Variants in KL observed in about 807,000 individuals in gnomAD.
KL encodes the protein klotho.
KL carries 62 observed loss-of-function variants against 84.2 expected under a neutral mutation model. The ratio of observed to expected loss-of-function variants is 0.74; its 90% CI spans 0.60 to 0.91. The LOEUF (loss-of-function observed/expected upper bound fraction) is 0.91. Ranked by LOEUF, KL falls within the 40% of genes least tolerant of loss-of-function variation. KL has a pLI of 0.00. For missense variants in KL, 1,261 were observed against 1,305.7 expected, an observed-to-expected ratio of 0.97 and a Z score of 0.53; for synonymous variants, 528 against 528.0, an observed-to-expected ratio of 1.00 and a Z score of 0.00.
intron 1 of KL, among the ~76,000 whole-genome samples, chr13:33,052,286 T>A (rs529314241): frequency 6.6e-6 from 1 of 152,272 alleles, no homozygotes; most frequent in Admixed American, 6.5e-5. Flanking sequence ...ACTGTTAACA[T>A]CATGAGGTTT....
rs777126851 is a variant in KL, at chr13:33,063,926, C to T, written c.2779C>T (p.Leu927Phe). 9.3e-6 allele frequency: 15 copies of T among 1,614,024 alleles called. No homozygotes were observed. The highest frequency in any genetic ancestry group is 1.3e-5 in the African/African-American group (1 of 74,898). The change falls in exon 5 of 5, where the codon CTC becomes TTC. Residue 927 changes from leucine (L) to phenylalanine (F), a missense_variant. Physicochemically the swap from Leu to Phe is conservative, Grantham distance 22. Coordinates refer to ENST00000380099, the MANE Select transcript of KL (RefSeq NM_004795.4). ...FNDRTAPRFGLYRYAADQFEP... is the reference protein window; with the variant it reads ...FNDRTAPRFGFYRYAADQFEP... ...CGACCGCACAGCTCCGAGGTTTGGC[C>T]TCTATCGTTATGCTGCAGATCAGTT... is the stretch of plus-strand genomic sequence containing the variant.
At chr13:33,026,378 G>T (rs1224614830) in intron 1 of KL, among the ~76,000 whole-genome samples, 1 of 152,040 alleles carries the variant, frequency 6.6e-6, no homozygotes, top group East Asian at 1.9e-4. Flanking sequence ...AGGAAACAAT[G>T]AAGTAATTCC....
At chr13:33,044,960 TTTTG>T (rs1052562627) in intron 1 of KL, among the ~76,000 whole-genome samples, 8 of 152,204 alleles carry the variant, frequency 5.3e-5, no homozygotes, top group Non-Finnish European at 1.0e-4. Context: ...AAGTTTGTTT[TTTTG>T]TTTGTTTGTT....
chr13:33,040,889 C>T (rs1160474739), intron 1 of KL, among the ~76,000 whole-genome samples: 1 of 152,154 alleles, frequency 6.6e-6, no homozygotes, highest in African/African-American at 2.4e-5. Flanking sequence ...TTCCTCTTCC[C>T]CTCCTCACAT....
chr13:33,053,866 A>G lies in KL; in HGVS notation c.919A>G (p.Arg307Gly). Residue 307 changes from arginine (R) to glycine (G), a missense_variant, in exon 2 of 5, where the codon AGA becomes GGA. Physicochemically the swap from Arg to Gly is moderately radical, Grantham distance 125. Transcript: ENST00000380099. The stretch of plus-strand genomic sequence containing the variant: ...AAGCTCTCACTGGATCAATCCTCGA[A>G]GAATGACCGACCACAGCATCAAAGA... Reference protein sequence around the residue: ...ALSSHWINPRRMTDHSIKECQ... With the variant: ...ALSSHWINPRGMTDHSIKECQ... 1 of 1,614,188 alleles carries G rather than the reference A, an allele frequency of 6.2e-7. No individual in the cohort carries two copies. The highest frequency in any genetic ancestry group is 8.5e-7 in the Non-Finnish European group (1 of 1,180,030).
intron 1 of KL, among the ~76,000 whole-genome samples, chr13:33,018,520 G>C (rs1870453924): frequency 6.6e-6 from 1 of 152,166 alleles, no homozygotes; most frequent in African/African-American, 2.4e-5. Context: ...AAGAATGTTG[G>C]ATTTGTTTGG....
chr13:33,023,435 G>A (rs1032004111), intron 1 of KL, among the ~76,000 whole-genome samples: 8 of 152,182 alleles, frequency 5.3e-5, no homozygotes, highest in African/African-American at 1.7e-4. Context: ...TCATACAAAT[G>A]CATTAGACAT....
chr13:33,032,955 A>T (rs1043897210), intron 1 of KL, among the ~76,000 whole-genome samples: 1 of 152,210 alleles, frequency 6.6e-6, no homozygotes, highest in Non-Finnish European at 1.5e-5. Context: ...CATTAAAAAA[A>T]AAATCCATCT....
At position 33,066,003 on chromosome 13, in the gene KL, T is replaced by G. The variant is rs913661095; in HGVS notation, c.*1817T>G. 1.1e-5 allele frequency: 2 copies of G among 176,478 alleles called. No individual in the cohort carries two copies. Among genetic ancestry groups the G allele is most frequent in the African/African-American group, 4.7e-5 (2 of 42,254 alleles). 10.9% of individuals were successfully genotyped at this position (176,478 alleles called of 1,614,324 possible). ...TGTTAGACTAGTTTCTTATTAATGTTGATGAATGTTGTTTAAAAATAATTT... is the reference window on the plus strand; with the variant it reads ...TGTTAGACTAGTTTCTTATTAATGTGGATGAATGTTGTTTAAAAATAATTT... On this transcript the variant is annotated 3_prime_UTR_variant, in exon 5 of 5. Transcript: ENST00000380099.
In KL at chr13:33,023,852, A is replaced by T. The variant is rs556954997; in HGVS notation, c.819+6593A>T. ...ATTTCCATATCTATAAGTGCATTTTATTTGATAATTAGAATGTTAGAATCA... is the reference window on the plus strand; with the variant it reads ...ATTTCCATATCTATAAGTGCATTTTTTTTGATAATTAGAATGTTAGAATCA... On this transcript the variant is annotated intron_variant, in intron 1 of 4. Coordinates refer to ENST00000380099, the MANE Select transcript of KL (RefSeq NM_004795.4). 2.6e-5 allele frequency among the ~76,000 whole-genome samples: 4 copies of T among 152,350 alleles called. No homozygotes were observed. In the South Asian group the frequency reaches 8.3e-4, roughly 32 times the overall value.
intron 1 of KL, among the ~76,000 whole-genome samples, chr13:33,027,181 T>C (rs1377786205): frequency 1.3e-5 from 2 of 152,142 alleles, no homozygotes; most frequent in Non-Finnish European, 2.9e-5. Flanking sequence ...CTTGAAGCAA[T>C]GTTGGGATAT....
intron 1 of KL, among the ~76,000 whole-genome samples, chr13:33,035,247 A>G (rs1300466419): frequency 6.6e-6 from 1 of 152,258 alleles, no homozygotes; most frequent in Admixed American, 6.5e-5. Flanking sequence ...CTACTGCAAG[A>G]TGAATTGAGT....
chr13:33,024,782 T>C (rs1198121621), intron 1 of KL, among the ~76,000 whole-genome samples: 2 of 152,192 alleles, frequency 1.3e-5, no homozygotes, highest in Non-Finnish European at 2.9e-5. Flanking sequence ...TGTCCCCTTG[T>C]TCCCATCAGG....
At position 33,016,731 on chromosome 13, in the gene KL, C is replaced by T; in HGVS notation, c.291C>T (p.Pro97=). The change falls in exon 1 of 5, where the codon CCC becomes CCT. Residue 97 remains proline, a synonymous_variant. Coordinates refer to ENST00000380099, the MANE Select transcript of KL (RefSeq NM_004795.4). ...ASIWDTFTHH[P]LAPPGDSRNA... ...TCTGGGATACGTTCACCCACCACCC[C>T]CTGGCACCCCCGGGAGACTCCCGGA... 5 of 1,611,176 alleles carry T rather than the reference C, an allele frequency of 3.1e-6. No homozygotes were observed. The highest frequency in any genetic ancestry group is 4.2e-6 in the Non-Finnish European group (5 of 1,179,074).
intron 1 of KL, among the ~76,000 whole-genome samples, chr13:33,049,152 T>A (rs920810915): frequency 4.6e-5 from 7 of 152,206 alleles, no homozygotes; most frequent in African/African-American, 1.7e-4. Flanking sequence ...ATAAAATTCC[T>A]TCTAATTTAT....
At chr13:33,041,745 G>A (rs982320080) in intron 1 of KL, among the ~76,000 whole-genome samples, 19 of 151,988 alleles carry the variant, frequency 1.3e-4, no homozygotes, top group African/African-American at 4.4e-4. Flanking sequence ...ACCCTCTACC[G>A]CCTCTGCCCA....
Position 33,064,655 on chromosome 13 carries a change from C to A in KL, c.*469C>A, listed in dbSNP as rs1225769340. 4.2e-6 allele frequency: 1 copy of A among 237,020 alleles called. No individual in the cohort carries two copies. The highest frequency in any genetic ancestry group is 8.3e-6 in the Non-Finnish European group (1 of 120,632). The allele number at this position is 237,020 out of a possible 1,614,324, so 14.7% of individuals were successfully genotyped here. On this transcript the variant is annotated 3_prime_UTR_variant, in exon 5 of 5. Transcript: ENST00000380099. ...CCTAGTGGCTTCCCCTCTGTCAAAT[C>A]TAGTTTCCTATGGAAAAGAAGATGG... is the stretch of plus-strand genomic sequence containing the variant.
chr13:33,031,724 T>C (rs1870979874), intron 1 of KL, among the ~76,000 whole-genome samples: 1 of 152,158 alleles, frequency 6.6e-6, no homozygotes, highest in South Asian at 2.1e-4. Flanking sequence ...ATGATAGTTA[T>C]TACGAGAAGA....
chr13:33,024,623 T>C (rs1209524332), intron 1 of KL, among the ~76,000 whole-genome samples: 1 of 152,194 alleles, frequency 6.6e-6, no homozygotes, highest in Non-Finnish European at 1.5e-5. Flanking sequence ...GATGGGGGCA[T>C]GGGAGGCAAG....
Sources: gnomAD v4.1 joint callset for allele counts (sites outside exome capture counted in the v4.1 genomes callset) on GRCh38, gnomAD v4.1.1 for gene constraint, MANE v1.5 for transcripts, NCBI Gene and HGNC (gene_info 2026-07-23, HGNC 2026-07-21) for gene names.